COL6A3: variants seen among roughly 807,000 people sequenced by gnomAD.
The protein encoded by COL6A3 is collagen alpha-3(VI) chain.
A neutral mutation model predicts 274.1 loss-of-function variants in COL6A3; 137 were observed. That is an observed-to-expected ratio of 0.50 (90% confidence interval 0.44 to 0.58). COL6A3 has a LOEUF of 0.58. Among genes scored for constraint, COL6A3 ranks in the 20% least tolerant of loss-of-function variants. The probability of loss-of-function intolerance (pLI) is 0.00; values close to 1 mark genes in which losing one functional copy is unlikely to be tolerated. For missense variants in COL6A3, 3,950 were observed against 4,124.9 expected, an observed-to-expected ratio of 0.96 and a Z score of 1.16; for synonymous variants, 1,650 against 1,650.6, an observed-to-expected ratio of 1.00 and a Z score of 0.01.
chr2:237,381,672 CTCCCCA>C (rs1359463688), intron 4 of COL6A3, among the ~76,000 whole-genome samples, 173 bp from the exon 5 acceptor site: 5 of 152,236 alleles, frequency 3.3e-5, no homozygotes, highest in African/African-American at 4.8e-5. Flanking sequence ...TTATGGTTGC[CTCCCCA>C]CCTGCTGGAG....
chr2:237,400,681 CACTT>C (rs1282986331), intron 1 of COL6A3, among the ~76,000 whole-genome samples: 1 of 151,052 alleles, frequency 6.6e-6, no homozygotes. Flanking sequence ...TTCTTCCAAA[CACTT>C]AAGGAAGAAT....
At chr2:237,336,023 C>A (rs1700523104) in intron 40 of COL6A3, 112 bp downstream of exon 40, 2 of 1,362,718 alleles carry the variant, frequency 1.5e-6, no homozygotes, top group Non-Finnish European at 2.1e-6. Context: ...GGTGTACAAG[C>A]CCAGATCAAG....
chr2:237,341,048 A>G lies in COL6A3; in HGVS notation c.7868T>C (p.Ile2623Thr). 7 of 1,614,108 alleles carry G rather than the reference A, an allele frequency of 4.3e-6. No homozygotes were observed. The highest frequency in any genetic ancestry group is 5.9e-6 in the Non-Finnish European group (7 of 1,180,016). The change falls in exon 38 of 44, where the codon ATC becomes ACC. Residue 2623 changes from isoleucine (I) to threonine (T), a missense_variant. Transcript: ENST00000295550. ...GGTGGTGGTCTCAGCGCTGTCTAAG[A>G]TGAAAGCCATGTCGATGTCCACATC... ...GSDVDIDMAF[I>T]LDSAETTTLF...
chr2:237,333,429 C>A (rs200546796), intron 42 of COL6A3, 21 bp downstream of exon 42: 9 of 1,602,546 alleles, frequency 5.6e-6, no homozygotes, highest in Non-Finnish European at 7.7e-6. Context: ...CATTAATGGA[C>A]CTAATAGTTT....
chr2:237,389,495 C>G (rs1021642132), intron 3 of COL6A3, among the ~76,000 whole-genome samples: 1 of 152,148 alleles, frequency 6.6e-6, no homozygotes, highest in African/African-American at 2.4e-5. Flanking sequence ...TTTTCAATGA[C>G]AGTGAACATT....
At chr2:237,378,410 G>A (rs926445115) in intron 6 of COL6A3, among the ~76,000 whole-genome samples, 1 of 152,220 alleles carries the variant, frequency 6.6e-6, no homozygotes, top group East Asian at 1.9e-4. Flanking sequence ...AGGCAAAATG[G>A]ACAGAACATA....
chr2:237,392,384 T>A (rs903319981), intron 3 of COL6A3, among the ~76,000 whole-genome samples: 1 of 152,224 alleles, frequency 6.6e-6, no homozygotes, highest in African/African-American at 2.4e-5. Context: ...AGCATTCTGA[T>A]TGCAATCTTG....
At chr2:237,347,622 C>A (rs1029039402) in intron 31 of COL6A3, among the ~76,000 whole-genome samples, 185 bp downstream of exon 31, 3 of 152,186 alleles carry the variant, frequency 2.0e-5, no homozygotes, top group African/African-American at 7.2e-5. Flanking sequence ...GGAGGAGAGC[C>A]ATGGACCACA....
Position 237,368,509 on chromosome 2 carries a change from T to TAA in COL6A3, c.4900+52_4900+53dup. On this transcript the variant is annotated intron_variant, in intron 10 of 43. Transcript: ENST00000295550. This position sits in a 1 kb window ranked among gnomAD's most constrained non-coding sequence, Gnocchi z 4.4. ...AATGACTACTGATTACTTTTTTAACTAAAAAAAAAATGTTGATGTCACACT... is the reference window on the plus strand; with the variant it reads ...AATGACTACTGATTACTTTTTTAACTAAAAAAAAAAAATGTTGATGTCACACT... 2.9e-6 allele frequency: 4 copies of TAA among 1,382,120 alleles called. No homozygotes were observed. Among genetic ancestry groups the TAA allele is most frequent in the South Asian group, 1.3e-5 (1 of 75,296 alleles). The allele number at this position is 1,382,120 out of a possible 1,614,324, so 85.6% of individuals were successfully genotyped here.
chr2:237,375,328 C>A (rs914218912), intron 7 of COL6A3, among the ~76,000 whole-genome samples: 1 of 152,070 alleles, frequency 6.6e-6, no homozygotes, highest in Non-Finnish European at 1.5e-5. Flanking sequence ...AAGCTGCTGG[C>A]AATGAGGATG....
chr2:237,412,816 G>A (rs2078889020), intron 1 of COL6A3, among the ~76,000 whole-genome samples: 2 of 152,120 alleles, frequency 1.3e-5, no homozygotes, highest in African/African-American at 4.8e-5. Context: ...TCGCCGGGGT[G>A]AGCTGTATGT....
At chr2:237,400,796 C>T (rs2078569882) in intron 1 of COL6A3, among the ~76,000 whole-genome samples, 1 of 152,122 alleles carries the variant, frequency 6.6e-6, no homozygotes, top group Admixed American at 6.5e-5. Context: ...AAAATACAGA[C>T]CAATATCCCT....
chr2:237,391,688 C>A (rs1029262096), intron 3 of COL6A3, among the ~76,000 whole-genome samples: 1 of 152,162 alleles, frequency 6.6e-6, no homozygotes, highest in African/African-American at 2.4e-5. Flanking sequence ...CCACACCTGG[C>A]TAATTTTTGT....
At chr2:237,350,257 AC>A (rs767611682) in intron 27 of COL6A3, 48 bp from the exon 28 acceptor site, 1 of 1,577,234 alleles carries the variant, frequency 6.3e-7, no homozygotes, top group East Asian at 2.2e-5. Context: ...GGGCTGGCTT[AC>A]AGTGTGATGC....
intron 36 of COL6A3, chr2:237,342,420 G>T (rs1432308646): frequency 2.0e-6 from 1 of 511,656 alleles, no homozygotes; most frequent in Non-Finnish European, 3.5e-6. Context: ...GTAAAATGGG[G>T]GGTAATACCT....
In COL6A3 at chr2:237,356,641, C is replaced by T. The variant is rs187582229; in HGVS notation, c.6591+697G>A. On this transcript the variant is annotated intron_variant, in intron 23 of 43. Transcript: ENST00000295550. ...GTTCATTTCTGAGCAGAGACCTCCC[C>T]TAGGCACCCACCAGCATCCTGAATT... is the stretch of plus-strand genomic sequence containing the variant. The T allele has an allele frequency of 3.9e-3, 605 of 155,722 alleles. 5 individuals are homozygous for T. The highest frequency in any genetic ancestry group is 4.5e-3 in the Non-Finnish European group (316 of 70,452). 9.6% of individuals were successfully genotyped at this position (155,722 alleles called of 1,614,324 possible). A position where few individuals can be genotyped will look rare whatever the true frequency, so the allele number is the denominator to read the frequency against.
In COL6A3 at chr2:237,347,829, G is replaced by T. The variant is rs202092407; in HGVS notation, c.7007C>A (p.Pro2336His). ...TACCCTTCGGCCTCTGATGCCTTTGGGTCCTGTTGTTCCATTTAGCCCAGG... is the reference window on the plus strand; with the variant it reads ...TACCCTTCGGCCTCTGATGCCTTTGTGTCCTGTTGTTCCATTTAGCCCAGG... ...GEPGLNGTTG[P>H]KGIRGRRGNS... The change falls in exon 31 of 44, where the codon CCC becomes CAC. Residue 2336 changes from proline (P) to histidine (H), a missense_variant. By Grantham distance (77) the Pro-to-His change is moderately conservative. Coordinates refer to ENST00000295550, the MANE Select transcript of COL6A3 (RefSeq NM_004369.4). The T allele has an allele frequency of 5.6e-6, 9 of 1,611,404 alleles. No homozygotes were observed. The highest frequency in any genetic ancestry group is 1.7e-4 in the Middle Eastern group (1 of 6,056).
At chr2:237,397,434 GGAAA>G (rs529560061) in intron 1 of COL6A3, among the ~76,000 whole-genome samples, 12 of 136,122 alleles carry the variant, frequency 8.8e-5, no homozygotes, top group East Asian at 5.2e-4. Flanking sequence ...AAAGAGAGAA[GGAAA>G]GAAAGAAAGA....
intron 1 of COL6A3, among the ~76,000 whole-genome samples, chr2:237,404,790 A>T (rs1177596489): frequency 2.0e-5 from 3 of 152,326 alleles, no homozygotes; most frequent in Non-Finnish European, 4.4e-5. Context: ...TACATTTCTC[A>T]TCTTCCAGAG....
Sources: allele counts gnomAD v4.1 joint callset (sites outside exome capture counted in the v4.1 genomes callset), GRCh38; gene constraint gnomAD v4.1.1; non-coding constraint Gnocchi (gnomAD v3.1); transcripts MANE v1.5; gene names NCBI Gene and HGNC (gene_info 2026-07-23, HGNC 2026-07-21).